MDGA2: variants seen among roughly 807,000 people sequenced by gnomAD.
The protein encoded by MDGA2 is MAM domain-containing glycosylphosphatidylinositol anchor protein 2.
MDGA2 carries 40 observed loss-of-function variants against 117.8 expected under a neutral mutation model. That is an observed-to-expected ratio of 0.34 (90% CI 0.26 to 0.44). MDGA2 has a LOEUF of 0.44. MDGA2 is among the 20% of genes least tolerant of loss of function. The pLI, the probability that MDGA2 is intolerant of heterozygous loss-of-function variation, is 1.00. For synonymous variants in MDGA2, 452 were observed against 439.0 expected, an observed-to-expected ratio of 1.03 and a Z score of -0.37; for missense variants, 1,123 against 1,250.6, an observed-to-expected ratio of 0.90 and a Z score of 1.54.
At chr14:47,020,196 C>G (rs1209623748) in intron 8 of MDGA2, among the ~76,000 whole-genome samples, 1 of 152,028 alleles carries the variant, frequency 6.6e-6, no homozygotes. Flanking sequence ...GAAAACGCAT[C>G]AGTGTTAAGG....
chr14:47,462,502 A>T (rs1893511544), intron 1 of MDGA2, among the ~76,000 whole-genome samples: 1 of 152,220 alleles, frequency 6.6e-6, no homozygotes, highest in African/African-American at 2.4e-5. Flanking sequence ...ACTGCTTCAT[A>T]CGGATGTTTC....
intron 2 of MDGA2, among the ~76,000 whole-genome samples, chr14:47,236,126 A>C (rs1886850499): frequency 6.6e-6 from 1 of 152,014 alleles, no homozygotes; most frequent in African/African-American, 2.4e-5. Flanking sequence ...CCCCGTCTCT[A>C]CTAAAAATAC....
chr14:47,629,929 T>C (rs761803049), intron 1 of MDGA2, among the ~76,000 whole-genome samples: 3 of 152,136 alleles, frequency 2.0e-5, no homozygotes, highest in Non-Finnish European at 4.4e-5. Context: ...AGCCCTGAGA[T>C]TCTGCATGTC....
At chr14:47,646,147 T>G (rs1897529831) in intron 1 of MDGA2, among the ~76,000 whole-genome samples, 1 of 151,662 alleles carries the variant, frequency 6.6e-6, no homozygotes, top group South Asian at 2.1e-4. Flanking sequence ...CTTTCATTTT[T>G]GAAATATACT....
chr14:47,549,282 A>C (rs1280604213), intron 1 of MDGA2, among the ~76,000 whole-genome samples: 2 of 151,754 alleles, frequency 1.3e-5, no homozygotes, highest in African/African-American at 4.8e-5. Flanking sequence ...GGATTGTTGC[A>C]GCTTTTTGAG....
At chr14:47,067,495 G>T (rs1277898313) in intron 6 of MDGA2, among the ~76,000 whole-genome samples, 1 of 152,172 alleles carries the variant, frequency 6.6e-6, no homozygotes, top group East Asian at 1.9e-4. Context: ...GCTTGGGAAT[G>T]ATCTTAATTT....
chr14:47,225,570 C>A (rs1356758585), intron 2 of MDGA2, among the ~76,000 whole-genome samples: 1 of 150,906 alleles, frequency 6.6e-6, no homozygotes, highest in African/African-American at 2.4e-5. Flanking sequence ...GGACAAAAAA[C>A]CAAACACCGC....
chr14:47,367,192 C>T lies in MDGA2; in HGVS notation c.281-65642G>A, dbSNP rs578143676. ...ACTGGGATTAAGTAATCCATTAACT[C>T]TTATGAGTAATTTCACAGGAAGTTG... On this transcript the variant is annotated intron_variant, in intron 1 of 16. Coordinates refer to ENST00000399232, the MANE Select transcript of MDGA2 (RefSeq NM_001113498.3). Among the ~76,000 whole-genome samples the T allele has an allele frequency of 1.6e-4, 24 of 152,254 alleles. No individual in the cohort carries two copies. The South Asian group carries it at 5.0e-3, about 32-fold the overall frequency.
chr14:47,149,222 G>A (rs1047994754), intron 3 of MDGA2, among the ~76,000 whole-genome samples: 1 of 152,096 alleles, frequency 6.6e-6, no homozygotes, highest in Non-Finnish European at 1.5e-5. Context: ...CCCGGGAGGT[G>A]AAGGTTGCAG....
chr14:47,628,876 C>T (rs1028906323), intron 1 of MDGA2, among the ~76,000 whole-genome samples: 53 of 152,336 alleles, frequency 3.5e-4, no homozygotes, highest in African/African-American at 1.2e-3. Flanking sequence ...TGCAGGGACA[C>T]TCATACTCCA....
At chr14:47,397,000 T>C (rs1462667927) in intron 1 of MDGA2, among the ~76,000 whole-genome samples, 2 of 152,202 alleles carry the variant, frequency 1.3e-5, no homozygotes, top group Non-Finnish European at 2.9e-5. Context: ...CAAAGGATTA[T>C]AAATCATTCT....
chr14:47,250,208 T>C (rs190492552), intron 2 of MDGA2, among the ~76,000 whole-genome samples: 1 of 152,318 alleles, frequency 6.6e-6, no homozygotes, highest in Admixed American at 6.5e-5. Context: ...CAGAATACTT[T>C]ACTGCTAAAG....
At chr14:47,290,169 C>G (rs1207512226) in intron 2 of MDGA2, among the ~76,000 whole-genome samples, 1 of 151,934 alleles carries the variant, frequency 6.6e-6, no homozygotes, top group African/African-American at 2.4e-5. Context: ...AGAATTCATT[C>G]ATATTTTGGA....
intron 8 of MDGA2, among the ~76,000 whole-genome samples, chr14:46,966,198 A>G (rs946957612): frequency 1.3e-4 from 20 of 152,204 alleles, no homozygotes; most frequent in Non-Finnish European, 2.1e-4. Flanking sequence ...TTTATAGAAG[A>G]AAAAGAAAAG....
At chr14:47,008,959 C>G (rs563763104) in intron 8 of MDGA2, among the ~76,000 whole-genome samples, 1 of 152,036 alleles carries the variant, frequency 6.6e-6, no homozygotes, top group South Asian at 2.1e-4. Context: ...ATTATCCTTT[C>G]TTTCTATTTT....
At chr14:47,232,930 G>C (rs17118222) in intron 2 of MDGA2, among the ~76,000 whole-genome samples, 14,018 of 152,130 alleles carry the variant, frequency 0.092, 701 homozygotes, top group African/African-American at 0.13. Flanking sequence ...TGAACAATCA[G>C]AAGTTACGTT....
intron 3 of MDGA2, among the ~76,000 whole-genome samples, chr14:47,153,796 C>T (rs2139240309): frequency 6.7e-6 from 1 of 149,926 alleles, no homozygotes; most frequent in South Asian, 2.1e-4. Context: ...AGAGTCAAAA[C>T]AAATCAATAG....
chr14:47,566,967 G>A (rs2138812829), intron 1 of MDGA2, among the ~76,000 whole-genome samples: 2 of 151,352 alleles, frequency 1.3e-5, no homozygotes, highest in Middle Eastern at 3.4e-3. Flanking sequence ...GAAATGCAGT[G>A]GCGTGATCAC....
intron 2 of MDGA2, among the ~76,000 whole-genome samples, chr14:47,259,287 C>T (rs986282756): frequency 1.3e-5 from 2 of 152,026 alleles, no homozygotes; most frequent in East Asian, 1.9e-4. Context: ...AAACTATACA[C>T]ATACAGGTTT....
Sources: allele counts gnomAD v4.1 joint callset (sites outside exome capture counted in the v4.1 genomes callset), GRCh38; gene constraint gnomAD v4.1.1; transcripts MANE v1.5; gene names NCBI Gene and HGNC (gene_info 2026-07-23, HGNC 2026-07-21).